Variants in MICAL2 observed in about 807,000 individuals in gnomAD.
MICAL2 encodes microtubule associated monooxygenase, calponin and LIM domain containing 2.
A neutral mutation model predicts 127.3 loss-of-function variants in MICAL2; 77 were observed. The ratio of observed to expected loss-of-function variants is 0.60; its 90% CI spans 0.50 to 0.73. The LOEUF is 0.73. Ranked by LOEUF, MICAL2 falls within the 30% of genes least tolerant of loss-of-function variation. MICAL2 has a pLI of 0.00. For synonymous variants in MICAL2, 570 were observed against 551.1 expected, an observed-to-expected ratio of 1.03 and a Z score of -0.48; for missense variants, 1,351 against 1,434.4, an observed-to-expected ratio of 0.94 and a Z score of 0.94.
chr11:12,305,061 G>A (rs1458668098), intron 29 of MICAL2, among the ~76,000 whole-genome samples: 1 of 152,108 alleles, frequency 6.6e-6, no homozygotes, highest in Non-Finnish European at 1.5e-5. Flanking sequence ...CAGGGGGTAC[G>A]TTCCAAGACC....
At chr11:12,255,341 A>T (rs1447745910) in intron 22 of MICAL2, 4 of 376,964 alleles carry the variant, frequency 1.1e-5, no homozygotes, top group African/African-American at 8.2e-5. Context: ...GTACCCACTA[A>T]ACAACAGCAA....
At chr11:12,235,716 G>A (rs1188411430) in intron 15 of MICAL2, among the ~76,000 whole-genome samples, 1 of 152,138 alleles carries the variant, frequency 6.6e-6, no homozygotes, top group Non-Finnish European at 1.5e-5. Context: ...TAGGAGAGAG[G>A]CTCCCTGGGT....
At chr11:12,194,914 G>C (rs1442935641) in intron 3 of MICAL2, among the ~76,000 whole-genome samples, 1 of 152,212 alleles carries the variant, frequency 6.6e-6, no homozygotes, top group Middle Eastern at 3.2e-3. Context: ...CCTTTCTGCA[G>C]TTATACAGGC....
intron 3 of MICAL2, among the ~76,000 whole-genome samples, chr11:12,189,184 G>A (rs1198708393): frequency 2.0e-5 from 3 of 152,072 alleles, no homozygotes; most frequent in Non-Finnish European, 4.4e-5. Flanking sequence ...TTACATTCCT[G>A]CCTAGTGGGA....
chr11:12,262,611 G>A (rs756187442), intron 27 of MICAL2, 74 bp downstream of exon 27: 131 of 1,252,024 alleles, frequency 1.0e-4, no homozygotes, highest in Non-Finnish European at 1.4e-4. Context: ...CGTCCTCTCC[G>A]CCAGCAGTAC....
chr11:12,183,782 CT>C (rs1017094729), intron 3 of MICAL2, among the ~76,000 whole-genome samples: 2 of 151,942 alleles, frequency 1.3e-5, no homozygotes, highest in South Asian at 2.1e-4. Flanking sequence ...GGCTGTGAGA[CT>C]TTTTTTTATT....
intron 3 of MICAL2, among the ~76,000 whole-genome samples, chr11:12,170,627 G>T (rs1856128343): frequency 6.6e-6 from 1 of 152,122 alleles, no homozygotes; most frequent in South Asian, 2.1e-4. Flanking sequence ...GCTGAACAGG[G>T]ACCTGGCCTG....
At chr11:12,167,613 A>C (rs992585253) in intron 3 of MICAL2, among the ~76,000 whole-genome samples, 7 of 152,216 alleles carry the variant, frequency 4.6e-5, no homozygotes, top group Non-Finnish European at 5.9e-5. Flanking sequence ...TGATACGGGC[A>C]GTTCCAGTCA....
chr11:12,276,418 T>C (rs1238307036), intron 1 of MICAL2: 1 of 340,722 alleles, frequency 2.9e-6, no homozygotes. Context: ...ATTGTTATTT[T>C]CTTGGGAAGA....
chr11:12,148,275 C>T (rs754855153), intron 2 of MICAL2, among the ~76,000 whole-genome samples: 84 of 152,084 alleles, frequency 5.5e-4, no homozygotes, highest in Non-Finnish European at 5.6e-4. Flanking sequence ...AGAGGATGAG[C>T]GAGGTTTGAG....
chr11:12,349,554 AG>A (rs1465897488), intron 32 of MICAL2, among the ~76,000 whole-genome samples: 1 of 152,082 alleles, frequency 6.6e-6, no homozygotes, highest in East Asian at 1.9e-4. Context: ...AGGCAGGGGG[AG>A]GGTCGTTTGT....
intron 2 of MICAL2, among the ~76,000 whole-genome samples, chr11:12,145,317 G>A (rs1471519528): frequency 6.6e-6 from 1 of 152,192 alleles, no homozygotes; most frequent in African/African-American, 2.4e-5. Context: ...TGGCATAAAC[G>A]AAGTTACCCG....
At chr11:12,220,948 T>C (rs1306777990) in intron 9 of MICAL2, among the ~76,000 whole-genome samples, 1 of 152,394 alleles carries the variant, frequency 6.6e-6, no homozygotes, top group East Asian at 1.9e-4. Flanking sequence ...ATTAAATGAA[T>C]GTTTTCAGAA....
intron 3 of MICAL2, among the ~76,000 whole-genome samples, chr11:12,172,814 C>T (rs553582236): frequency 6.6e-6 from 1 of 152,164 alleles, no homozygotes; most frequent in South Asian, 2.1e-4. Flanking sequence ...GTGCAAACTT[C>T]CCGAGGCCCC....
At chr11:12,341,351 A>T (rs952190760) in intron 32 of MICAL2, among the ~76,000 whole-genome samples, 8 of 152,316 alleles carry the variant, frequency 5.3e-5, no homozygotes, top group Admixed American at 3.3e-4. Flanking sequence ...ATCAAAAGAG[A>T]TAGATAGTTA....
chr11:12,284,008 G>T (rs1590720510), intron 2 of MICAL2, among the ~76,000 whole-genome samples: 1 of 152,050 alleles, frequency 6.6e-6, no homozygotes. Flanking sequence ...GCATCCCCAG[G>T]GGCTTTGACA....
intron 1 of MICAL2, among the ~76,000 whole-genome samples, chr11:12,113,596 G>C (rs1451256709): frequency 6.6e-6 from 1 of 152,158 alleles, no homozygotes; most frequent in African/African-American, 2.4e-5. Flanking sequence ...AGTCAGCCAT[G>C]GTCTGAAAAT....
rs147194834 is a variant in MICAL2 at position 12,187,776 on chromosome 11, T to C, written c.265-16474T>C. On this transcript the variant is annotated intron_variant, in intron 3 of 27. Transcript: ENST00000683283. ...GCAGCTGCCTCCCTGAAAGCCCAGG[T>C]TGACTCCCTGCTGTCTGTGTGGGTG... Among the ~76,000 whole-genome samples, 141 of 152,242 alleles carry C rather than the reference T, an allele frequency of 9.3e-4. No individual in the cohort carries two copies. In the East Asian group the frequency reaches 0.022, roughly 24 times the overall value.
chr11:12,294,170 CAGG>C, downstream of MICAL2: 1 of 1,614,058 alleles, frequency 6.2e-7, no homozygotes, highest in Non-Finnish European at 8.5e-7. Context: ...GAGAGGGGCC[CAGG>C]AGAAGATGGG....
Sources: gnomAD v4.1 joint callset for allele counts (sites outside exome capture counted in the v4.1 genomes callset) on GRCh38, gnomAD v4.1.1 for gene constraint, MANE v1.5 for transcripts, NCBI Gene and HGNC (gene_info 2026-07-23, HGNC 2026-07-21) for gene names.